The following IBA57 variants were observed in gnomAD, a reference collection of about 807,000 sequenced individuals.
IBA57 encodes iron-sulfur cluster assembly factor IBA57, mitochondrial.
IBA57 carries 20 observed loss-of-function variants against 20.4 expected under a neutral mutation model. The ratio of observed to expected loss-of-function variants is 0.98; its 90% CI spans 0.69 to 1.42. IBA57 has a LOEUF of 1.42. IBA57 is among the 40% of genes most tolerant of loss of function. The pLI is 0.00. For missense variants in IBA57, 608 were observed against 499.3 expected, an observed-to-expected ratio of 1.22 and a Z score of -2.07; for synonymous variants, 310 against 233.9, an observed-to-expected ratio of 1.33 and a Z score of -2.97.
chr1:228,166,077 G>T lies in IBA57; in HGVS notation c.261G>T (p.Gly87=). ...CGCTTCCGAGTCCTGCGGCCGCGGG[G>T]GCCCCGCCTGCTGCGCGCGCGGGCT... The part of the protein sequence containing the change: ...ELPLPSPAAA[G]APPAARAGYA... The change falls in exon 1 of 3, where the codon GGG becomes GGT. Residue 87 remains glycine (G), a synonymous_variant. Transcript: ENST00000366711. 1.3e-6 allele frequency: 2 copies of T among 1,537,256 alleles called. No individual in the cohort carries two copies. The highest frequency in any genetic ancestry group is 1.7e-6 in the Non-Finnish European group (2 of 1,144,862).
At chr1:228,173,881 C>G (rs965705247) in intron 1 of IBA57, among the ~76,000 whole-genome samples, 1 of 152,254 alleles carries the variant, frequency 6.6e-6, no homozygotes. Flanking sequence ...GGTCTGTCTG[C>G]GCTGGCCCCT....
rs1467132859 is a variant in IBA57, at chr1:228,175,283, C to T, written c.841C>T (p.Pro281Ser). 1 of 1,612,882 alleles carries T rather than the reference C, an allele frequency of 6.2e-7. No homozygotes were observed. Among genetic ancestry groups the T allele is most frequent in the Non-Finnish European group, 8.5e-7 (1 of 1,179,982 alleles). The change falls in exon 3 of 3, where the codon CCT becomes TCT. Residue 281 changes from proline to serine, a missense_variant. Transcript: ENST00000366711. ...GGGCGTCATCCGCAAGCGCCTCTTC[C>T]CTGTCCGGTTCTTGGACCCCCTTCC... is the stretch of plus-strand genomic sequence containing the variant. ...HMGVIRKRLF[P>S]VRFLDPLPTS...
Position 228,175,642 on chromosome 1 carries a change from A to G in IBA57, c.*129A>G. 7.9e-7 allele frequency: 1 copy of G among 1,264,986 alleles called. No individual in the cohort carries two copies. Among genetic ancestry groups the G allele is most frequent in the South Asian group, 1.7e-5 (1 of 58,896 alleles). 78.4% of individuals were successfully genotyped at this position (1,264,986 alleles called of 1,614,324 possible). A position where few individuals can be genotyped will look rare whatever the true frequency, so the allele number is the denominator to read the frequency against. ...TGGGAGCCCTGGTTTCCATCTGGGA[A>G]AGTCCCCCTTGTAGGTGCCCTGCCT... On this transcript the variant is annotated 3_prime_UTR_variant, in exon 3 of 3. Transcript: ENST00000366711.
chr1:228,176,648 C>T lies in IBA57; in HGVS notation c.*1135C>T, dbSNP rs1206092772. The T allele has an allele frequency of 2.0e-5, 3 of 152,406 alleles. No homozygotes were observed. Among genetic ancestry groups the T allele is most frequent in the African/African-American group, 7.2e-5 (3 of 41,460 alleles). The allele number at this position is 152,406 out of a possible 1,614,324, so 9.4% of individuals were successfully genotyped here. ...CCTGGGGGGCAGGCGTTTGGGCCAC[C>T]AAGCTGGACGTTAGGGTGGCCACAG... On this transcript the variant is annotated 3_prime_UTR_variant, in exon 3 of 3. Coordinates refer to ENST00000366711, the MANE Select transcript of IBA57 (RefSeq NM_001010867.4).
At chr1:228,166,247 C>A in intron 1 of IBA57, 90 bp downstream of exon 1, 1 of 568,556 alleles carries the variant, frequency 1.8e-6, no homozygotes, top group Non-Finnish European at 2.3e-6. Context: ...CGCCCGGGGC[C>A]TGCAGAGGGC....
intron 1 of IBA57, among the ~76,000 whole-genome samples, chr1:228,168,998 G>A (rs1571915050): frequency 6.6e-6 from 1 of 152,210 alleles, no homozygotes; most frequent in East Asian, 1.9e-4. Flanking sequence ...GTGGGTGACA[G>A]GTGTCCAGAT....
In IBA57 at chr1:228,166,086, TG is replaced by T; in HGVS notation, c.271del (p.Ala91LeufsTer10). ...GTCCTGCGGCCGCGGGGGCCCCGCC[TG>T]CTGCGCGCGCGGGCTACGCCCACTT... ...PSPAAAGAPPAARAGYAHFLN... is the reference protein window; with the variant it reads ...PSPAAAGAPPXARAGYAHFLN... On this transcript the variant is annotated frameshift_variant, in exon 1 of 3. Coordinates refer to ENST00000366711, the MANE Select transcript of IBA57 (RefSeq NM_001010867.4). LOFTEE classifies it high-confidence loss of function. 1 of 1,538,434 alleles carries T rather than the reference TG, an allele frequency of 6.5e-7. No individual in the cohort carries two copies. Among genetic ancestry groups the T allele is most frequent in the Non-Finnish European group, 8.7e-7 (1 of 1,144,806 alleles).
intron 1 of IBA57, among the ~76,000 whole-genome samples, chr1:228,168,295 A>G (rs984531434): frequency 6.6e-6 from 1 of 152,252 alleles, no homozygotes; most frequent in Non-Finnish European, 1.5e-5. Flanking sequence ...TACAGTATAT[A>G]ATAGCATAAA....
rs1173787617 is a variant in IBA57, at chr1:228,173,401, C to CCCG, written c.342-1289_342-1288insGCC. On this transcript the variant is annotated intron_variant, in intron 1 of 2. Coordinates refer to ENST00000366711, the MANE Select transcript of IBA57 (RefSeq NM_001010867.4). Reference sequence around the variant, plus strand: ...TACCCCAGGTGTCTCCACTTAGTGCCCCCCCCCCCGACATGCCCCACGCTG... The same window carrying CCCG: ...TACCCCAGGTGTCTCCACTTAGTGCCCCGCCCCCCCCCGACATGCCCCACGCTG... 2.4e-5 allele frequency: 3 copies of CCCG among 125,976 alleles called. 1 individual carries two copies. The highest frequency in any genetic ancestry group is 8.4e-5 in the African/African-American group (3 of 35,778). The allele number at this position is 125,976 out of a possible 1,614,324, so 7.8% of individuals were successfully genotyped here.
At chr1:228,169,776 T>C (rs1290469881) in intron 1 of IBA57, among the ~76,000 whole-genome samples, 1 of 152,260 alleles carries the variant, frequency 6.6e-6, no homozygotes, top group Non-Finnish European at 1.5e-5. Flanking sequence ...TGTCCTGTAG[T>C]TGGACTCATG....
Position 228,174,685 on chromosome 1 carries a change from C to G in IBA57, c.342-7C>G, listed in dbSNP as rs368007738. 6.5e-7 allele frequency: 1 copy of G among 1,538,212 alleles called. No individual in the cohort carries two copies. The highest frequency in any genetic ancestry group is 8.7e-7 in the Non-Finnish European group (1 of 1,144,388). Reference sequence around the variant, plus strand: ...GCTGCCATGCGCCCCTGCCTCTCTCCCTGCAGGCTCCAGGAACACTCGGAG... The same window carrying G: ...GCTGCCATGCGCCCCTGCCTCTCTCGCTGCAGGCTCCAGGAACACTCGGAG... On this transcript the variant is annotated splice_polypyrimidine_tract_variant and splice_region_variant and intron_variant, in intron 1 of 2. Coordinates refer to ENST00000366711, the MANE Select transcript of IBA57 (RefSeq NM_001010867.4).
chr1:228,180,336 T>A lies in IBA57; in HGVS notation c.*4823T>A, dbSNP rs1571922935. ...AAGAAGGAGTGAATAGGCAGGAAGGTGGATTTGTGGGCATGTCTAAAACAC... is the reference window on the plus strand; with the variant it reads ...AAGAAGGAGTGAATAGGCAGGAAGGAGGATTTGTGGGCATGTCTAAAACAC... On this transcript the variant is annotated 3_prime_UTR_variant, in exon 3 of 3. Transcript: ENST00000366711. The A allele has an allele frequency of 6.6e-6, 1 of 151,838 alleles. No homozygotes were observed. The highest frequency in any genetic ancestry group is 1.5e-5 in the Non-Finnish European group (1 of 67,980). The allele number at this position is 151,838 out of a possible 1,614,324, so 9.4% of individuals were successfully genotyped here.
chr1:228,175,094 G>A (rs909066207), intron 2 of IBA57, 28 bp from the exon 3 acceptor site: 3 of 1,598,102 alleles, frequency 1.9e-6, no homozygotes, highest in Non-Finnish European at 1.7e-6. Context: ...TTCAATTCTC[G>A]CTGGTTTCCC....
chr1:228,173,410 C>CCG (rs55872836), intron 1 of IBA57: 4 of 133,580 alleles, frequency 3.0e-5, no homozygotes, highest in African/African-American at 5.5e-5. Context: ...CCCCCCCCCC[C>CCG]GACATGCCCC....
rs1024249875 is a variant in IBA57, at chr1:228,170,674, G to T, written c.342-4018G>T. Among the ~76,000 whole-genome samples, 2 of 152,190 alleles carry T rather than the reference G, an allele frequency of 1.3e-5. No individual in the cohort carries two copies. The highest frequency in any genetic ancestry group is 4.8e-5 in the African/African-American group (2 of 41,432). ...GAGAGGCTGTAGGGTCATGTTGCAG[G>T]TAGGATTGTGGTCCAGTGGCCTTGC... On this transcript the variant is annotated intron_variant, in intron 1 of 2. Coordinates refer to ENST00000366711, the MANE Select transcript of IBA57 (RefSeq NM_001010867.4). The surrounding 1 kb of genome is among the most constrained non-coding windows in gnomAD (Gnocchi z 4.8).
Position 228,178,800 on chromosome 1 carries a change from T to C in IBA57, c.*3287T>C, listed in dbSNP as rs895658033. On this transcript the variant is annotated 3_prime_UTR_variant, in exon 3 of 3. Coordinates refer to ENST00000366711, the MANE Select transcript of IBA57 (RefSeq NM_001010867.4). ...CTGTGTTCTTGTATGAGGCGGTCAG[T>C]CAAGCGCAGCCCGAGAGGAGAGGCA... The C allele has an allele frequency of 6.6e-6, 1 of 152,184 alleles. No individual in the cohort carries two copies. The highest frequency in any genetic ancestry group is 2.4e-5 in the African/African-American group (1 of 41,436). The allele number at this position is 152,184 out of a possible 1,614,324, so 9.4% of individuals were successfully genotyped here.
At position 228,181,125 on chromosome 1, in the gene IBA57, G is replaced by A. The variant is rs924221407; in HGVS notation, c.*5612G>A. The A allele has an allele frequency of 3.3e-5, 5 of 152,098 alleles. No homozygotes were observed. The highest frequency in any genetic ancestry group is 5.9e-5 in the Non-Finnish European group (4 of 68,046). The allele number at this position is 152,098 out of a possible 1,614,324, so 9.4% of individuals were successfully genotyped here. On this transcript the variant is annotated 3_prime_UTR_variant, in exon 3 of 3. Transcript: ENST00000366711. The stretch of plus-strand genomic sequence containing the variant: ...TGTGAGGGCTCCACTCTCCAAGGGC[G>A]GAGTTAATGTTATGAAAGGGTAAGT...
chr1:228,165,864 C>G lies in IBA57; in HGVS notation c.48C>G (p.Gly16=). The G allele has an allele frequency of 7.6e-7, 1 of 1,313,698 alleles. No individual in the cohort carries two copies. The highest frequency in any genetic ancestry group is 9.6e-7 in the Non-Finnish European group (1 of 1,037,974). The allele number at this position is 1,313,698 out of a possible 1,614,324, so 81.4% of individuals were successfully genotyped here. A position where few individuals can be genotyped will look rare whatever the true frequency, so the allele number is the denominator to read the frequency against. The stretch of plus-strand genomic sequence containing the variant: ...GAGGCGCCACTCCGGGGCGCGGCGG[C>G]CCGGTCTGGCGCTGGCGGCTGCGCG... The part of the protein sequence containing the change: ...LLRGATPGRG[G]PVWRWRLRAA... The change falls in exon 1 of 3, where the codon GGC becomes GGG. Residue 16 remains glycine (G), a synonymous_variant. Transcript: ENST00000366711.
Position 228,166,017 on chromosome 1 carries a change from G to A in IBA57, c.201G>A (p.Ala67=), listed in dbSNP as rs934566495. 2 of 1,532,644 alleles carry A rather than the reference G, an allele frequency of 1.3e-6. No individual in the cohort carries two copies. The highest frequency in any genetic ancestry group is 2.0e-5 in the Admixed American group (1 of 50,980). The allele number at this position is 1,532,644 out of a possible 1,614,324, so 94.9% of individuals were successfully genotyped here. The change falls in exon 1 of 3, where the codon GCG becomes GCA. Residue 67 remains alanine, a synonymous_variant. Coordinates refer to ENST00000366711, the MANE Select transcript of IBA57 (RefSeq NM_001010867.4). ...TLLRVRGPDA[A]PFLLGLLTNE... ...TGCGCGTGCGTGGCCCCGACGCGGC[G>A]CCCTTCCTGCTAGGGCTGCTGACCA...
Sources: allele counts gnomAD v4.1 joint callset (sites outside exome capture counted in the v4.1 genomes callset), GRCh38; gene constraint gnomAD v4.1.1; non-coding constraint Gnocchi (gnomAD v3.1); transcripts MANE v1.5; gene names NCBI Gene and HGNC (gene_info 2026-07-23, HGNC 2026-07-21).